Variants in DSG1 observed in about 807,000 individuals in gnomAD.
The protein encoded by DSG1 is desmoglein 1.
Under a neutral mutation model 97.5 loss-of-function variants are expected in DSG1, and 39 were observed. The ratio of observed to expected loss-of-function variants is 0.40; its 90% CI spans 0.31 to 0.52. DSG1 has a LOEUF of 0.52. Ranked by LOEUF, DSG1 falls within the 20% of genes least tolerant of loss-of-function variation. The pLI is 0.53. For missense variants in DSG1, 1,311 were observed against 1,295.4 expected, an observed-to-expected ratio of 1.01 and a Z score of -0.18; for synonymous variants, 475 against 443.4, an observed-to-expected ratio of 1.07 and a Z score of -0.90.
intron 13 of DSG1, among the ~76,000 whole-genome samples, 185 bp downstream of exon 13, chr18:31,344,180 T>C (rs1010258921): frequency 2.6e-5 from 4 of 152,194 alleles, no homozygotes; most frequent in Admixed American, 6.5e-5. Flanking sequence ...TGTTATATGC[T>C]TCATTTTAAA....
chr18:31,328,461 T>C, intron 4 of DSG1, 117 bp downstream of exon 4: 1 of 1,061,772 alleles, frequency 9.4e-7, no homozygotes, highest in South Asian at 1.3e-5. Flanking sequence ...TTTTTGGTTG[T>C]TTCTTAATTC....
At position 31,356,104 on chromosome 18, in the gene DSG1, C is replaced by T. The variant is rs778709630; in HGVS notation, c.*758C>T. On this transcript the variant is annotated 3_prime_UTR_variant, in exon 15 of 15. Coordinates refer to ENST00000257192, the MANE Select transcript of DSG1 (RefSeq NM_001942.4). Reference sequence around the variant, plus strand: ...ATAGATGTAGTCTTGACGAATATTGCTTACTGGTGAGGTTGAGGAATATCA... The same window carrying T: ...ATAGATGTAGTCTTGACGAATATTGTTTACTGGTGAGGTTGAGGAATATCA... The T allele has an allele frequency of 6.6e-6, 1 of 152,148 alleles. No homozygotes were observed. The highest frequency in any genetic ancestry group is 2.4e-5 in the African/African-American group (1 of 41,440). The allele number at this position is 152,148 out of a possible 1,614,324, so 9.4% of individuals were successfully genotyped here. A position where few individuals can be genotyped will look rare whatever the true frequency, so the allele number is the denominator to read the frequency against.
chr18:31,329,057 G>A (rs1321766568), intron 4 of DSG1, among the ~76,000 whole-genome samples: 2 of 151,974 alleles, frequency 1.3e-5, no homozygotes, highest in Non-Finnish European at 2.9e-5. Flanking sequence ...TTTCTCACTC[G>A]CCCAGCTCAG....
chr18:31,351,746 T>C (rs1170218501), intron 14 of DSG1, among the ~76,000 whole-genome samples: 1 of 151,394 alleles, frequency 6.6e-6, no homozygotes, highest in African/African-American at 2.4e-5. Flanking sequence ...TCTCTTTTGA[T>C]CTTTGTTGGT....
chr18:31,331,672 A>T, intron 5 of DSG1, 29 bp from the exon 6 acceptor site: 1 of 1,607,584 alleles, frequency 6.2e-7, no homozygotes. Context: ...TAAATCACCC[A>T]TTTGCAATCA....
chr18:31,341,923 CTTTT>C (rs1464391489), intron 11 of DSG1, among the ~76,000 whole-genome samples: 1 of 144,100 alleles, frequency 6.9e-6, no homozygotes, highest in African/African-American at 2.6e-5. Flanking sequence ...TTTTTTTGTT[CTTTT>C]GTTTTTTTGT....
intron 14 of DSG1, among the ~76,000 whole-genome samples, chr18:31,352,749 C>T (rs1295768043): frequency 2.0e-5 from 3 of 148,886 alleles, no homozygotes; most frequent in South Asian, 2.1e-4. Flanking sequence ...CCCTTTCTTC[C>T]GGTTGATCAC....
intron 14 of DSG1, among the ~76,000 whole-genome samples, chr18:31,348,580 C>G (rs2071864335): frequency 6.6e-6 from 1 of 151,310 alleles, no homozygotes; most frequent in Non-Finnish European, 1.5e-5. Context: ...TTTACAGTCC[C>G]ACCAACAGTG....
Position 31,355,149 on chromosome 18 carries a change from G to A in DSG1, c.2953G>A (p.Gly985Ser). The change falls in exon 15 of 15, where the codon GGT becomes AGT. Residue 985 changes from glycine to serine, a missense_variant. Gly to Ser is a moderately conservative substitution (Grantham distance 56). Coordinates refer to ENST00000257192, the MANE Select transcript of DSG1 (RefSeq NM_001942.4). ...CAGTGGCCTGGTTGGCACCAGCATGGGTGCTGGGAGCGGTGCCCTGAGTGG... is the reference window on the plus strand; with the variant it reads ...CAGTGGCCTGGTTGGCACCAGCATGAGTGCTGGGAGCGGTGCCCTGAGTGG... ...GSSGLVGTSM[G>S]AGSGALSGAG... 1.2e-6 allele frequency: 2 copies of A among 1,610,550 alleles called. No homozygotes were observed. The highest frequency in any genetic ancestry group is 1.7e-6 in the Non-Finnish European group (2 of 1,177,580).
chr18:31,336,545 A>G lies in DSG1; in HGVS notation c.1197A>G (p.Gly399=), dbSNP rs371241150. The G allele has an allele frequency of 2.5e-6, 4 of 1,613,944 alleles. No individual in the cohort carries two copies. The highest frequency in any genetic ancestry group is 3.4e-6 in the Non-Finnish European group (4 of 1,179,952). ...CATATGTTGTAACTGGTAATATGGG[A>G]TCAAATGATAAAGTGGGAGACTTTG... The part of the protein sequence containing the change: ...SKTYVVTGNM[G]SNDKVGDFVA... Residue 399 remains glycine, a synonymous_variant, in exon 9 of 15, where the codon GGA becomes GGG. Coordinates refer to ENST00000257192, the MANE Select transcript of DSG1 (RefSeq NM_001942.4).
In DSG1 at chr18:31,343,471, G is replaced by A; in HGVS notation, c.1709G>A (p.Cys570Tyr). The change falls in exon 12 of 15, where the codon TGT (cysteine) becomes TAT (tyrosine). Residue 570 changes from cysteine to tyrosine, a missense_variant. Around this residue, in one of 3 missense-constraint regions of DSG1, gnomAD observed 1,038 missense variants for 964.6 expected, o/e 1.08. Transcript: ENST00000257192. The part of the protein sequence containing the change: ...VLGLVPFLMI[C>Y]CDCGGAPRSA... The stretch of plus-strand genomic sequence containing the variant: ...CCAGTGGTCCCATTTTTGATGATCT[G>A]TTGTGATTGTGGAGGTGCTCCTCGT... 1.2e-6 allele frequency: 2 copies of A among 1,614,104 alleles called. No individual in the cohort carries two copies. Among genetic ancestry groups the A allele is most frequent in the Non-Finnish European group, 1.7e-6 (2 of 1,180,004 alleles).
At chr18:31,341,457 T>C (rs2071788174) in intron 11 of DSG1, among the ~76,000 whole-genome samples, 5 of 152,248 alleles carry the variant, frequency 3.3e-5, no homozygotes, top group Admixed American at 3.3e-4. Context: ...TTTGAAGTTT[T>C]CATCAACATT....
chr18:31,346,689 C>A (rs957302511), intron 14 of DSG1, among the ~76,000 whole-genome samples: 4 of 152,140 alleles, frequency 2.6e-5, no homozygotes, highest in African/African-American at 9.7e-5. Context: ...ACAGTTAACC[C>A]TCTCATCCAA....
chr18:31,320,857 A>C (rs1265053881), intron 1 of DSG1, among the ~76,000 whole-genome samples: 2 of 152,202 alleles, frequency 1.3e-5, no homozygotes, highest in Admixed American at 1.3e-4. Context: ...AAACAGAGCC[A>C]GAGGGATCTC....
intron 13 of DSG1, chr18:31,345,381 C>G (rs2071823773): frequency 6.6e-6 from 1 of 152,008 alleles, no homozygotes; most frequent in South Asian, 2.1e-4. Flanking sequence ...AAACACTTGA[C>G]CAATTTGCGT....
At chr18:31,347,589 G>C (rs1430090021) in intron 14 of DSG1, 1 of 152,150 alleles carries the variant, frequency 6.6e-6, no homozygotes, top group Non-Finnish European at 1.5e-5. Flanking sequence ...TTTCCTATAA[G>C]GTATTTCTGT....
At chr18:31,318,441 C>T in intron 1 of DSG1, 93 bp downstream of exon 1, 1 of 978,486 alleles carries the variant, frequency 1.0e-6, no homozygotes. Context: ...TATTTCTAAC[C>T]TAAACCCATT....
chr18:31,347,415 A>G (rs2071848904), intron 14 of DSG1, among the ~76,000 whole-genome samples: 1 of 152,112 alleles, frequency 6.6e-6, no homozygotes, highest in Non-Finnish European at 1.5e-5. Context: ...CCTCCTGACC[A>G]TATGCTTCTG....
In DSG1 at chr18:31,354,501, C is replaced by T. The variant is rs371822501; in HGVS notation, c.2305C>T (p.Pro769Ser). 5 of 1,614,164 alleles carry T rather than the reference C, an allele frequency of 3.1e-6. No homozygotes were observed. Among genetic ancestry groups the T allele is most frequent in the Non-Finnish European group, 4.2e-6 (5 of 1,180,038 alleles). Residue 769 changes from proline (P) to serine (S), a missense_variant, in exon 15 of 15, where the codon CCA becomes TCA. Physicochemically the swap from Pro to Ser is moderately conservative, Grantham distance 74. Around this residue, in one of 3 missense-constraint regions of DSG1, gnomAD observed 1,038 missense variants for 964.6 expected, o/e 1.08. Coordinates refer to ENST00000257192, the MANE Select transcript of DSG1 (RefSeq NM_001942.4). ...CATCAGCCTAGGAAAAGAATCATAT[C>T]CAGACCTTGATCCTTCTTGGCCACC... is the stretch of plus-strand genomic sequence containing the variant. ...ADISLGKESYPDLDPSWPPQS... is the reference protein window; with the variant it reads ...ADISLGKESYSDLDPSWPPQS...
Sources: allele counts gnomAD v4.1 joint callset (sites outside exome capture counted in the v4.1 genomes callset), GRCh38; gene constraint gnomAD v4.1.1; regional missense constraint gnomAD v4.1.1; transcripts MANE v1.5; gene names NCBI Gene and HGNC (gene_info 2026-07-23, HGNC 2026-07-21).